The following PLA2G4B variants were observed in gnomAD, a reference collection of about 807,000 sequenced individuals.
PLA2G4B encodes the protein cytosolic phospholipase A2 beta.
Under a neutral mutation model 95.8 loss-of-function variants are expected in PLA2G4B, and 122 were observed. The ratio of observed to expected loss-of-function variants is 1.27; its 90% CI spans 1.10 to 1.48. PLA2G4B has a LOEUF of 1.48. Ranked by LOEUF, PLA2G4B falls within the 40% of genes most tolerant of loss-of-function variation. The pLI is 0.00. For missense variants in PLA2G4B, 1,158 were observed against 996.2 expected (o/e 1.16, Z -2.19); for synonymous variants, 518 against 421.5 (o/e 1.23, Z -2.80).
intron 2 of PLA2G4B, 43 bp from the exon 3 acceptor site, chr15:41,840,481 G>A (rs763553545): frequency 1.2e-6 from 2 of 1,612,220 alleles, no homozygotes; most frequent in Non-Finnish European, 1.7e-6. Flanking sequence ...GGGCGGCTGG[G>A]AAGGGCTCTT....
In PLA2G4B at chr15:41,848,123, T is replaced by C; in HGVS notation, c.*263T>C. Reference sequence around the variant, plus strand: ...TACCTTGAGTAGTTGGAGCACTTGATACATCACAGACTCATACAAATGTGA... The same window carrying C: ...TACCTTGAGTAGTTGGAGCACTTGACACATCACAGACTCATACAAATGTGA... On this transcript the variant is annotated 3_prime_UTR_variant, in exon 20 of 20. Transcript: ENST00000458483. 1.7e-6 allele frequency: 1 copy of C among 577,104 alleles called. No individual in the cohort carries two copies. The highest frequency in any genetic ancestry group is 3.1e-6 in the Non-Finnish European group (1 of 323,652). 35.7% of individuals were successfully genotyped at this position (577,104 alleles called of 1,614,324 possible).
chr15:41,847,252 C>T, intron 18 of PLA2G4B, 85 bp from the exon 19 acceptor site: 8 of 1,500,424 alleles, frequency 5.3e-6, no homozygotes, highest in Non-Finnish European at 7.1e-6. Flanking sequence ...ATTTGAGCCC[C>T]AGGTCCTGTG....
chr15:41,844,349 A>G, intron 11 of PLA2G4B, 122 bp from the exon 12 acceptor site: 1 of 1,516,684 alleles, frequency 6.6e-7, no homozygotes, highest in African/African-American at 1.4e-5. Flanking sequence ...AACTGGTCCC[A>G]AGACCTGTGA....
chr15:41,843,864 C>T lies in PLA2G4B; in HGVS notation c.879+53C>T. On this transcript the variant is annotated intron_variant, in intron 11 of 19. Coordinates refer to ENST00000458483, the MANE Select transcript of PLA2G4B (RefSeq NM_001114633.2). ...CCCCGGGCTTGCTTGGGCCTAGCTC[C>T]TGGTGCTGAACACTGGAGCTGCTTG... The T allele has an allele frequency of 4.4e-6, 7 of 1,598,864 alleles. No individual in the cohort carries two copies. In the South Asian group the frequency reaches 6.7e-5, roughly 15 times the overall value.
rs1336259775 is a variant in PLA2G4B, at chr15:41,843,684, A to G, written c.752A>G (p.Glu251Gly). The change falls in exon 11 of 20, where the codon GAG becomes GGG. Residue 251 changes from glutamate to glycine, a missense_variant. Transcript: ENST00000458483. ...VELKKEAGLR[E>G]LAVRLGFGPC... The stretch of plus-strand genomic sequence containing the variant: ...CTTCCTTCCCCGGCCAGACTGAGGG[A>G]GCTGGCCGTGCGACTGGGCTTCGGG... 1.9e-6 allele frequency: 3 copies of G among 1,613,404 alleles called. No homozygotes were observed. In the East Asian group the frequency reaches 6.7e-5, roughly 36 times the overall value.
intron 12 of PLA2G4B, 92 bp downstream of exon 12, chr15:41,844,699 G>A (rs563801322): frequency 1.9e-6 from 3 of 1,597,886 alleles, no homozygotes; most frequent in East Asian, 4.5e-5. Flanking sequence ...TAGAAGGGCT[G>A]GGAGAATGAA....
Position 41,846,276 on chromosome 15 carries a change from C to T in PLA2G4B, c.1674C>T (p.Thr558=), listed in dbSNP as rs375427577. The change falls in exon 17 of 20, where the codon ACC becomes ACT. Residue 558 remains threonine (T), a synonymous_variant. Transcript: ENST00000458483. ...CCGGCAGGATAGCTGAGTTTTTCAC[C>T]GATCTTCTGACGTGGCGTCCACTGG... ...STAGRIAEFF[T]DLLTWRPLAQ... The T allele has an allele frequency of 2.9e-5, 46 of 1,613,978 alleles. No individual in the cohort carries two copies. The highest frequency in any genetic ancestry group is 6.7e-5 in the East Asian group (3 of 44,894).
chr15:41,847,412 C>T lies in PLA2G4B; in HGVS notation c.2023C>T (p.Gln675Ter). Reference protein sequence around the residue: ...FPPISPSPEEQLQPRECHTFS... With the variant: ...FPPISPSPEE The stretch of plus-strand genomic sequence containing the variant: ...ACCCATCTCGCCCAGCCCCGAAGAG[C>T]AGCTCCAGCCTCGGGAGTGCCACAC... The change falls in exon 19 of 20, where the codon CAG becomes TAG. Residue 675 changes from glutamine to a stop codon, truncating the protein, a stop_gained. Transcript: ENST00000458483. LOFTEE classifies it high-confidence loss of function. 1 of 1,613,258 alleles carries T rather than the reference C, an allele frequency of 6.2e-7. No individual in the cohort carries two copies. Among genetic ancestry groups the T allele is most frequent in the Non-Finnish European group, 8.5e-7 (1 of 1,179,896 alleles).
At position 41,845,679 on chromosome 15, in the gene PLA2G4B, T is replaced by G. The variant is rs1355385718; in HGVS notation, c.1399T>G (p.Tyr467Asp). 2 of 1,614,136 alleles carry G rather than the reference T, an allele frequency of 1.2e-6. No individual in the cohort carries two copies. Among genetic ancestry groups the G allele is most frequent in the Non-Finnish European group, 1.7e-6 (2 of 1,180,000 alleles). The change falls in exon 15 of 20, where the codon TAC becomes GAC. Residue 467 changes from tyrosine (Y) to aspartate (D), a missense_variant. By Grantham distance (160) the Tyr-to-Asp change is radical. Coordinates refer to ENST00000458483, the MANE Select transcript of PLA2G4B (RefSeq NM_001114633.2). ...FSPYEVGFPKYGAFIPSELFG... is the reference protein window; with the variant it reads ...FSPYEVGFPKDGAFIPSELFG... ...TCCCTACGAGGTCGGCTTCCCCAAG[T>G]ACGGGGCCTTCATCCCCTCTGAGCT...
At chr15:41,839,975 T>C in intron 1 of PLA2G4B, 183 bp from the exon 2 acceptor site, 1 of 684,238 alleles carries the variant, frequency 1.5e-6, no homozygotes, top group Non-Finnish European at 2.4e-6. Flanking sequence ...ATTGTGTAAG[T>C]GCTGGCAGGC....
At position 41,843,799 on chromosome 15, in the gene PLA2G4B, G is replaced by C. The variant is rs1479930074; in HGVS notation, c.867G>C (p.Leu289=). The part of the protein sequence containing the change: ...LRQALQLDGD[L]QEDEIPVVAI... ...AGGCCCTGCAGCTGGACGGAGACCT[G>C]CAGGAGGATGAGGTTTGGGGGCTGG... The change falls in exon 11 of 20, where the codon CTG becomes CTC. Residue 289 remains leucine (L), a synonymous_variant. Coordinates refer to ENST00000458483, the MANE Select transcript of PLA2G4B (RefSeq NM_001114633.2). 2.5e-6 allele frequency: 4 copies of C among 1,613,818 alleles called. No individual in the cohort carries two copies. The highest frequency in any genetic ancestry group is 3.4e-6 in the Non-Finnish European group (4 of 1,179,938).
In PLA2G4B at chr15:41,846,335, A is replaced by G; in HGVS notation, c.1733A>G (p.His578Arg). The G allele has an allele frequency of 1.2e-6, 2 of 1,610,852 alleles. No individual in the cohort carries two copies. Among genetic ancestry groups the G allele is most frequent in the South Asian group, 1.1e-5 (1 of 91,036 alleles). ...QATHNFLRGL[H>R]FHKDYFQHPH... ...ACACATAATTTCCTGCGTGGCCTCCATTTCCACAAAGACTACTTTCAGCAT... is the reference window on the plus strand; with the variant it reads ...ACACATAATTTCCTGCGTGGCCTCCGTTTCCACAAAGACTACTTTCAGCAT... Residue 578 changes from histidine to arginine, a missense_variant, in exon 17 of 20, where the codon CAT (histidine) becomes CGT (arginine). Physicochemically the swap from His to Arg is conservative, Grantham distance 29. Coordinates refer to ENST00000458483, the MANE Select transcript of PLA2G4B (RefSeq NM_001114633.2).
intron 10 of PLA2G4B, 43 bp downstream of exon 10, chr15:41,842,634 A>T (rs1384057819): frequency 2.5e-6 from 4 of 1,603,544 alleles, no homozygotes; most frequent in Non-Finnish European, 3.4e-6. Context: ...CTGGAAAACA[A>T]CCAGGGTGCG....
At chr15:41,842,028 G>A in intron 8 of PLA2G4B, 79 bp downstream of exon 8, 8 of 1,562,560 alleles carry the variant, frequency 5.1e-6, no homozygotes, top group Non-Finnish European at 6.9e-6. Context: ...TCTGACCTCT[G>A]CTCCACCTGG....
Position 41,848,029 on chromosome 15 carries a change from T to TAAGGA in PLA2G4B, c.*170_*174dup. 1 of 896,464 alleles carries TAAGGA rather than the reference T, an allele frequency of 1.1e-6. No homozygotes were observed. The highest frequency in any genetic ancestry group is 1.6e-6 in the Non-Finnish European group (1 of 606,306). The allele number at this position is 896,464 out of a possible 1,614,324, so 55.5% of individuals were successfully genotyped here. On this transcript the variant is annotated 3_prime_UTR_variant, in exon 20 of 20. Coordinates refer to ENST00000458483, the MANE Select transcript of PLA2G4B (RefSeq NM_001114633.2). ...TGCGCCTCAGCAGTTTGCAGTGGGG[T>TAAGGA]AAGGAGGCCAAGCCCATTTGTGTAA...
In PLA2G4B at chr15:41,840,498, C is replaced by T. The variant is rs374303147; in HGVS notation, c.83-26C>T. 71 of 1,613,026 alleles carry T rather than the reference C, an allele frequency of 4.4e-5. No individual in the cohort carries two copies. The Middle Eastern group carries it at 1.0e-3, about 23-fold the overall frequency. ...GCGGCTGGGAAGGGCTCTTGTCCAC[C>T]GCTGGGCACTTGTTCCTTCCCGCAG... On this transcript the variant is annotated intron_variant, in intron 2 of 19. Coordinates refer to ENST00000458483, the MANE Select transcript of PLA2G4B (RefSeq NM_001114633.2).
At position 41,840,070 on chromosome 15, in the gene PLA2G4B, T is replaced by C. The variant is rs79908596; in HGVS notation, c.10-88T>C. 2.6e-3 allele frequency: 3,829 copies of C among 1,468,260 alleles called. 88 individuals carry two copies. In the African/African-American group the frequency reaches 0.047, roughly 18 times the overall value. 91.0% of individuals were successfully genotyped at this position (1,468,260 alleles called of 1,614,324 possible). ...TGGGCCTGGGGTTCAGGATTAGGCC[T>C]TGAGGCACTGCTCCAGCCTCCTTTG... On this transcript the variant is annotated intron_variant, in intron 1 of 19. Transcript: ENST00000458483.
At chr15:41,845,507 G>A (rs1595424051) in intron 14 of PLA2G4B, 131 bp from the exon 15 acceptor site, 2 of 1,492,414 alleles carry the variant, frequency 1.3e-6, no homozygotes, top group Non-Finnish European at 1.8e-6. Flanking sequence ...TAGGTCCTAT[G>A]CACGAAGCCC....
Position 41,843,754 on chromosome 15 carries a change from G to A in PLA2G4B, c.822G>A (p.Val274=), listed in dbSNP as rs1325923284. The part of the protein sequence containing the change: ...EQAFLSRRKQ[V]VAAALRQALQ... Reference sequence around the variant, plus strand: ...CCTTCCTGAGCAGGAGGAAGCAGGTGGTGGCCGCGGCCTTGAGGCAGGCCC... The same window carrying A: ...CCTTCCTGAGCAGGAGGAAGCAGGTAGTGGCCGCGGCCTTGAGGCAGGCCC... Residue 274 remains valine (V), a synonymous_variant, in exon 11 of 20, where the codon GTG becomes GTA. Transcript: ENST00000458483. 5 of 1,613,764 alleles carry A rather than the reference G, an allele frequency of 3.1e-6. No individual in the cohort carries two copies. Among genetic ancestry groups the A allele is most frequent in the East Asian group, 2.2e-5 (1 of 44,890 alleles).
Sources: allele counts gnomAD v4.1 joint callset, GRCh38; gene constraint gnomAD v4.1.1; transcripts MANE v1.5; gene names NCBI Gene and HGNC (gene_info 2026-07-23, HGNC 2026-07-21).